Variants in STEAP3 observed in about 807,000 individuals in gnomAD.
STEAP3 encodes the protein metalloreductase STEAP3.
In STEAP3, 35 loss-of-function variants were observed where a neutral mutation model predicts 34.9. The observed-to-expected ratio is 1.00, with a 90% CI of 0.76 to 1.33. The LOEUF (loss-of-function observed/expected upper bound fraction) is 1.33. STEAP3 is among the 40% of genes most tolerant of loss of function. STEAP3 has a pLI of 0.00. For synonymous variants in STEAP3, 281 were observed against 301.6 expected, an observed-to-expected ratio of 0.93 and a Z score of 0.71; for missense variants, 652 against 667.6, an observed-to-expected ratio of 0.98 and a Z score of 0.26.
rs752094440 is a variant in STEAP3 at position 119,263,230 on chromosome 2, C to T, written c.1389C>T (p.Cys463=). 8.1e-6 allele frequency: 13 copies of T among 1,614,178 alleles called. No homozygotes were observed. Among genetic ancestry groups the T allele is most frequent in the Admixed American group, 3.3e-5 (2 of 60,032 alleles). ...CCAAAGCCCTGTTTCTCCTGCCCTG[C>T]ATCAGCCGCAGACTCGCCAGGATCC... ...ILAKALFLLP[C]ISRRLARIRR... The change falls in exon 6 of 6, where the codon TGC becomes TGT. Residue 463 remains cysteine, a synonymous_variant. Coordinates refer to ENST00000393110, the MANE Select transcript of STEAP3 (RefSeq NM_182915.3).
chr2:119,257,660 C>T, intron 5 of STEAP3: 1 of 1,441,374 alleles, frequency 6.9e-7, no homozygotes, highest in Middle Eastern at 1.8e-4. Context: ...AGGATGCGTG[C>T]AGCCAACAGT....
chr2:119,245,993 G>C lies in STEAP3; in HGVS notation c.522+5G>C. The stretch of plus-strand genomic sequence containing the variant: ...CCAAGGGATGGTAACAGGCAGGTAG[G>C]TTCTGGGGGAATAATACCCATCGTA... On this transcript the variant is annotated splice_donor_5th_base_variant and intron_variant, in intron 3 of 5. Coordinates refer to ENST00000393110, the MANE Select transcript of STEAP3 (RefSeq NM_182915.3). 1 of 1,608,222 alleles carries C rather than the reference G, an allele frequency of 6.2e-7. No individual in the cohort carries two copies. The highest frequency in any genetic ancestry group is 8.5e-7 in the Non-Finnish European group (1 of 1,176,382).
At chr2:119,224,043 G>T (rs1420527654) in intron 1 of STEAP3, among the ~76,000 whole-genome samples, 155 bp downstream of exon 1, 1 of 152,188 alleles carries the variant, frequency 6.6e-6, no homozygotes, top group Admixed American at 6.5e-5. Flanking sequence ...AGCCACGTGC[G>T]CCCGGCGGCA....
At chr2:119,260,193 CAT>C (rs1315946956) in intron 5 of STEAP3, among the ~76,000 whole-genome samples, 323 of 152,188 alleles carry the variant, frequency 2.1e-3, no homozygotes, top group Non-Finnish European at 2.9e-3. Context: ...ATCACCCAGC[CAT>C]CTTGGCAACA....
At chr2:119,252,660 A>C (rs1209497376) in intron 4 of STEAP3, among the ~76,000 whole-genome samples, 2 of 152,180 alleles carry the variant, frequency 1.3e-5, no homozygotes, top group Admixed American at 1.3e-4. Flanking sequence ...TCTGCGTTCC[A>C]GTTAGCCATG....
chr2:119,232,949 T>C (rs1338741040), intron 2 of STEAP3, among the ~76,000 whole-genome samples: 1 of 152,200 alleles, frequency 6.6e-6, no homozygotes, highest in Non-Finnish European at 1.5e-5. Flanking sequence ...ATTTTGCTAC[T>C]TGCGGGGAAG....
At chr2:119,260,406 G>A (rs1677906786) in intron 5 of STEAP3, among the ~76,000 whole-genome samples, 1 of 151,310 alleles carries the variant, frequency 6.6e-6, no homozygotes, top group Non-Finnish European at 1.5e-5. Context: ...TCCACCTCCT[G>A]GGTTCAAGCG....
chr2:119,227,810 G>GTACTTATTTATT, intron 1 of STEAP3, among the ~76,000 whole-genome samples: 1 of 145,362 alleles, frequency 6.9e-6, no homozygotes, highest in South Asian at 2.2e-4. Context: ...CCCATTTCTT[G>GTACTTATTTATT]TATTTATTTA....
rs538579406 is a variant in STEAP3, at chr2:119,265,503, A to T, written c.*2165A>T. ...AATTCCATGTGCCTCTGGGTACAAA[A>T]GTGCCTCAACGACATGCTCTGGAAA... On this transcript the variant is annotated 3_prime_UTR_variant, in exon 6 of 6. Transcript: ENST00000393110. 2 of 152,262 alleles carry T rather than the reference A, an allele frequency of 1.3e-5. No homozygotes were observed. Among genetic ancestry groups the T allele is most frequent in the Admixed American group, 1.3e-4 (2 of 15,294 alleles). The allele number at this position is 152,262 out of a possible 1,614,324, so 9.4% of individuals were successfully genotyped here.
At chr2:119,249,664 G>A (rs1283395077) in intron 4 of STEAP3, among the ~76,000 whole-genome samples, 1 of 152,132 alleles carries the variant, frequency 6.6e-6, no homozygotes, top group East Asian at 1.9e-4. Context: ...TGGCAGGACT[G>A]GGAAGCAGGG....
Position 119,245,623 on chromosome 2 carries a change from C to G in STEAP3, c.157C>G (p.Leu53Val). Reference sequence around the variant, plus strand: ...GGGTAGCGGGGACTTTGCCCGCTCCCTGGCCACACGCCTGGTGGGCTCTGG... The same window carrying G: ...GGGTAGCGGGGACTTTGCCCGCTCCGTGGCCACACGCCTGGTGGGCTCTGG... ...ILGSGDFARS[L>V]ATRLVGSGFK... Residue 53 changes from leucine (L) to valine (V), a missense_variant, in exon 3 of 6, where the codon CTG becomes GTG. By Grantham distance (32) the Leu-to-Val change is conservative. Coordinates refer to ENST00000393110, the MANE Select transcript of STEAP3 (RefSeq NM_182915.3). 6.2e-7 allele frequency: 1 copy of G among 1,610,358 alleles called. No individual in the cohort carries two copies. The highest frequency in any genetic ancestry group is 8.5e-7 in the Non-Finnish European group (1 of 1,176,900).
chr2:119,254,963 C>A, intron 5 of STEAP3, 115 bp downstream of exon 5: 2 of 1,329,610 alleles, frequency 1.5e-6, no homozygotes, highest in Non-Finnish European at 2.1e-6. Flanking sequence ...ACAGCAGGAC[C>A]ACTCGGTGAG....
At chr2:119,240,550 A>T (rs1677217395) in intron 2 of STEAP3, among the ~76,000 whole-genome samples, 10 of 152,252 alleles carry the variant, frequency 6.6e-5, no homozygotes, top group Admixed American at 6.5e-4. Context: ...GCCAACTGTT[A>T]GTGGCCTGCG....
At position 119,263,839 on chromosome 2, in the gene STEAP3, G is replaced by A. The variant is rs1359565578; in HGVS notation, c.*501G>A. ...AACGGCTCTGCCCAGAGCCATCCCT[G>A]GAGCATGTGAGCAGCGGCTGGTCTC... On this transcript the variant is annotated 3_prime_UTR_variant, in exon 6 of 6. Coordinates refer to ENST00000393110, the MANE Select transcript of STEAP3 (RefSeq NM_182915.3). The A allele has an allele frequency of 9.9e-6, 2 of 202,424 alleles. No homozygotes were observed. Among genetic ancestry groups the A allele is most frequent in the African/African-American group, 2.4e-5 (1 of 42,386 alleles). The allele number at this position is 202,424 out of a possible 1,614,324, so 12.5% of individuals were successfully genotyped here.
rs1357065546 is a variant in STEAP3, at chr2:119,245,482, C to T, written c.23-7C>T. On this transcript the variant is annotated splice_region_variant and splice_polypyrimidine_tract_variant and intron_variant, in intron 2 of 5. Transcript: ENST00000393110. ...TCCACTGACCAGGTTCCTGACTTCT[C>T]TTGCAGCCACCAAAATGCCAGAAGA... 10 of 1,571,642 alleles carry T rather than the reference C, an allele frequency of 6.4e-6. No individual in the cohort carries two copies. The highest frequency in any genetic ancestry group is 3.5e-6 in the Non-Finnish European group (4 of 1,153,544).
rs1441915155 is a variant in STEAP3, at chr2:119,231,036, T to A, written c.22+2T>A. 1 of 1,614,134 alleles carries A rather than the reference T, an allele frequency of 6.2e-7. No individual in the cohort carries two copies. Among genetic ancestry groups the A allele is most frequent in the African/African-American group, 1.3e-5 (1 of 75,040 alleles). On this transcript the variant is annotated splice_donor_variant, in intron 2 of 5. Transcript: ENST00000393110. LOFTEE classifies it high-confidence loss of function. ...GGATGTCGCACCAGCCTGCTGTTGG[T>A]AAGTCTGGCTAGGACGCAGATCCAA...
intron 5 of STEAP3, among the ~76,000 whole-genome samples, chr2:119,259,087 C>A (rs542450223): frequency 7.9e-5 from 12 of 152,236 alleles, no homozygotes; most frequent in South Asian, 2.1e-4. Context: ...AACCTAAGTT[C>A]TTTCCCAGAG....
chr2:119,252,056 T>C (rs1469773961), intron 4 of STEAP3, among the ~76,000 whole-genome samples: 1 of 152,224 alleles, frequency 6.6e-6, no homozygotes, highest in African/African-American at 2.4e-5. Flanking sequence ...GAGTGACTGA[T>C]TTTTAAATTG....
intron 4 of STEAP3, among the ~76,000 whole-genome samples, chr2:119,251,269 G>A (rs907307337): frequency 1.3e-5 from 2 of 152,146 alleles, no homozygotes; most frequent in African/African-American, 2.4e-5. Flanking sequence ...CTAGGCCCTT[G>A]GGTCAAGGGA....
Sources: gnomAD v4.1 joint callset for allele counts (sites outside exome capture counted in the v4.1 genomes callset) on GRCh38, gnomAD v4.1.1 for gene constraint, MANE v1.5 for transcripts, NCBI Gene and HGNC (gene_info 2026-07-23, HGNC 2026-07-21) for gene names.